Variants in DNAH8 observed in about 807,000 individuals in gnomAD.
The protein encoded by DNAH8 is axonemal beta dynein heavy chain 8.
In DNAH8, 382 loss-of-function variants were observed where a neutral mutation model predicts 562.1. That is an observed-to-expected ratio of 0.68 (90% confidence interval 0.63 to 0.74). DNAH8 has a LOEUF of 0.74. Among genes scored for constraint, DNAH8 ranks in the 30% least tolerant of loss-of-function variants. The pLI is 0.00. For synonymous variants in DNAH8, 1,881 were observed against 1,919.4 expected (o/e 0.98, Z 0.52); for missense variants, 5,203 against 5,620.4 (o/e 0.93, Z 2.37).
intron 1 of DNAH8, among the ~76,000 whole-genome samples, chr6:38,719,746 G>T (rs1394463103): frequency 6.6e-6 from 1 of 152,146 alleles, no homozygotes; most frequent in Non-Finnish European, 1.5e-5. Context: ...CTGTTTCACA[G>T]ATAGACGCCT....
intron 67 of DNAH8, 112 bp from the exon 68 acceptor site, chr6:38,915,089 G>C: frequency 1.1e-6 from 1 of 915,942 alleles, no homozygotes; most frequent in Non-Finnish European, 1.6e-6. Context: ...AAATAAGTTT[G>C]TTCTTATTCG....
intron 79 of DNAH8, among the ~76,000 whole-genome samples, chr6:38,942,269 G>A (rs773702599): frequency 6.6e-6 from 1 of 152,194 alleles, no homozygotes; most frequent in East Asian, 1.9e-4. Context: ...CCTTACTGGT[G>A]AGCTGGCTTT....
At chr6:38,941,120 GA>G (rs571589806) in intron 79 of DNAH8, among the ~76,000 whole-genome samples, 82 of 132,260 alleles carry the variant, frequency 6.2e-4, no homozygotes, top group Admixed American at 7.6e-4. Flanking sequence ...CTCTGTCTCA[GA>G]AAAAAAAAAA....
At chr6:38,858,763 C>T (rs1776390325) in intron 42 of DNAH8, among the ~76,000 whole-genome samples, 1 of 152,214 alleles carries the variant, frequency 6.6e-6, no homozygotes, top group Admixed American at 6.5e-5. Flanking sequence ...TGGCCTTCCA[C>T]GGACTAGCTT....
intron 10 of DNAH8, among the ~76,000 whole-genome samples, 154 bp from the exon 11 acceptor site, chr6:38,761,548 G>A (rs1233355710): frequency 6.6e-6 from 1 of 151,272 alleles, no homozygotes; most frequent in East Asian, 1.9e-4. Flanking sequence ...CTCCCACCTT[G>A]GCCTCCCAAA....
intron 45 of DNAH8, among the ~76,000 whole-genome samples, chr6:38,865,385 T>G (rs1006882022): frequency 5.3e-5 from 8 of 152,206 alleles, no homozygotes; most frequent in Non-Finnish European, 1.0e-4. Context: ...TGGTCTAGAA[T>G]TTTACAAAAA....
intron 91 of DNAH8, among the ~76,000 whole-genome samples, chr6:39,024,217 T>G (rs1214576558): frequency 6.6e-6 from 1 of 152,224 alleles, no homozygotes; most frequent in African/African-American, 2.4e-5. Context: ...TAGGAAAATT[T>G]AATTATTCAA....
Position 38,727,047 on chromosome 6 carries a change from G to A in DNAH8, c.526-2855G>A, listed in dbSNP as rs930075622. On this transcript the variant is annotated intron_variant, in intron 3 of 92. Transcript: ENST00000327475. Reference sequence around the variant, plus strand: ...TAATTTTTGTATTTTTAGTAGAGACGGGGTTTCACCATCTTGGCCAGGCTG... The same window carrying A: ...TAATTTTTGTATTTTTAGTAGAGACAGGGTTTCACCATCTTGGCCAGGCTG... Among the ~76,000 whole-genome samples, 11 of 151,774 alleles carry A rather than the reference G, an allele frequency of 7.2e-5. No homozygotes were observed. The East Asian group carries it at 1.9e-3, about 27-fold the overall frequency.
intron 11 of DNAH8, 88 bp downstream of exon 11, chr6:38,761,891 G>T (rs1766553899): frequency 1.5e-6 from 1 of 677,158 alleles, no homozygotes; most frequent in Non-Finnish European, 2.4e-6. Flanking sequence ...TATGTTAACT[G>T]AAAAAACTTC....
At chr6:38,785,297 C>T (rs1343372472) in intron 17 of DNAH8, among the ~76,000 whole-genome samples, 2 of 152,116 alleles carry the variant, frequency 1.3e-5, no homozygotes, top group Non-Finnish European at 2.9e-5. Flanking sequence ...CATCAGCCTC[C>T]TTTAGTTGGT....
At chr6:38,941,052 G>A (rs1406380119) in intron 79 of DNAH8, among the ~76,000 whole-genome samples, 1 of 151,942 alleles carries the variant, frequency 6.6e-6, no homozygotes, top group African/African-American at 2.4e-5. Context: ...CCAGGGAGTC[G>A]GAGGTTGCAG....
At chr6:38,948,464 G>A (rs1294414755) in intron 80 of DNAH8, among the ~76,000 whole-genome samples, 6 of 151,848 alleles carry the variant, frequency 4.0e-5, no homozygotes, top group African/African-American at 7.3e-5. Context: ...TCAGCCTCCC[G>A]AGTAGCTGGG....
chr6:38,782,679 T>C (rs553455308), intron 16 of DNAH8, among the ~76,000 whole-genome samples: 1 of 152,342 alleles, frequency 6.6e-6, no homozygotes, highest in African/African-American at 2.4e-5. Context: ...GGAACATCAG[T>C]CAATTATATC....
intron 12 of DNAH8, among the ~76,000 whole-genome samples, chr6:38,772,971 CTTTTTTTTTTTTTTT>C (rs58784448): frequency 1.1e-5 from 1 of 88,088 alleles, no homozygotes; most frequent in African/African-American, 5.2e-5. Flanking sequence ...GCTAATTAAA[CTTTTTTTTTTTTTTT>C]TTTTTTTTTT....
At chr6:39,022,819 C>G (rs964109695) in intron 91 of DNAH8, among the ~76,000 whole-genome samples, 14 of 152,206 alleles carry the variant, frequency 9.2e-5, no homozygotes, top group Non-Finnish European at 1.5e-5. Flanking sequence ...TGCCTACCCC[C>G]ATCCCACCCT....
chr6:38,873,520 A>G, intron 52 of DNAH8, 144 bp downstream of exon 52: 1 of 709,808 alleles, frequency 1.4e-6, no homozygotes, highest in East Asian at 2.9e-5. Context: ...GATAATTTTG[A>G]TTTCTATTAA....
chr6:38,864,082 G>A, intron 45 of DNAH8, 22 bp downstream of exon 45: 6 of 1,592,712 alleles, frequency 3.8e-6, no homozygotes, highest in Non-Finnish European at 5.1e-6. Context: ...GGCTTTAAAT[G>A]CAATTTAATT....
intron 88 of DNAH8, among the ~76,000 whole-genome samples, chr6:38,992,699 A>G (rs1764876035): frequency 6.6e-6 from 1 of 152,136 alleles, no homozygotes; most frequent in Non-Finnish European, 1.5e-5. Context: ...TGGTGCACCT[A>G]GGCCTTGTTC....
At chr6:38,803,644 G>C (rs1247613054) in intron 22 of DNAH8, among the ~76,000 whole-genome samples, 2 of 145,336 alleles carry the variant, frequency 1.4e-5, no homozygotes, top group Non-Finnish European at 3.0e-5. Flanking sequence ...AAGTCACTTT[G>C]ACTATTTGAT....
Sources: gnomAD v4.1 joint callset for allele counts (sites outside exome capture counted in the v4.1 genomes callset) on GRCh38, gnomAD v4.1.1 for gene constraint, MANE v1.5 for transcripts, NCBI Gene and HGNC (gene_info 2026-07-23, HGNC 2026-07-21) for gene names.